The following ONECUT3 variants were observed in gnomAD, a reference collection of about 807,000 sequenced individuals.
The protein encoded by ONECUT3 is one cut homeobox 3.
ONECUT3 carries 11 observed loss-of-function variants against 16.8 expected under a neutral mutation model. The observed-to-expected ratio is 0.66, with a 90% CI of 0.41 to 1.09. The LOEUF (loss-of-function observed/expected upper bound fraction) is 1.09, where lower values mean the gene tolerates loss of function less well. ONECUT3 is among the 50% of genes least tolerant of loss of function. The pLI, the probability that ONECUT3 is intolerant of heterozygous loss-of-function variation, is 0.00. For synonymous variants in ONECUT3, 344 were observed against 310.7 expected (o/e 1.11, Z -1.13); for missense variants, 637 against 629.9 (o/e 1.01, Z -0.12).
chr19:1,770,677 A>T (rs1212320335), intron 1 of ONECUT3, among the ~76,000 whole-genome samples: 3 of 152,160 alleles, frequency 2.0e-5, no homozygotes, highest in African/African-American at 7.2e-5. Context: ...TTGAGTTTTG[A>T]CTCAGCTTTC....
Position 1,755,817 on chromosome 19 carries a change from A to G in ONECUT3, c.1192+963A>G, listed in dbSNP as rs2067913572. On this transcript the variant is annotated intron_variant, in intron 1 of 1. Coordinates refer to ENST00000382349, the MANE Select transcript of ONECUT3 (RefSeq NM_001080488.2). This position sits in a 1 kb window ranked among gnomAD's most constrained non-coding sequence, Gnocchi z 7.5. Reference sequence around the variant, plus strand: ...CCTCCTCCCTCCTCCCTCCCAGCTGACAACAGCTAAGTCCACACCTGCCCT... The same window carrying G: ...CCTCCTCCCTCCTCCCTCCCAGCTGGCAACAGCTAAGTCCACACCTGCCCT... Among the ~76,000 whole-genome samples, 1 of 151,954 alleles carries G rather than the reference A, an allele frequency of 6.6e-6. No homozygotes were observed. Among genetic ancestry groups the G allele is most frequent in the African/African-American group, 2.4e-5 (1 of 41,390 alleles).
intron 1 of ONECUT3, among the ~76,000 whole-genome samples, chr19:1,757,207 C>T (rs2067920997): frequency 1.3e-5 from 2 of 152,332 alleles, no homozygotes; most frequent in South Asian, 2.1e-4. Flanking sequence ...GCCTGCTTCG[C>T]CTGCACCTGA....
At position 1,776,865 on chromosome 19, in the gene ONECUT3, G is replaced by C. The variant is rs2068113710; in HGVS notation, c.*1420G>C. 6.6e-6 allele frequency: 1 copy of C among 151,526 alleles called. No individual in the cohort carries two copies. The highest frequency in any genetic ancestry group is 2.4e-5 in the African/African-American group (1 of 41,130). The allele number at this position is 151,526 out of a possible 1,614,324, so 9.4% of individuals were successfully genotyped here. On this transcript the variant is annotated 3_prime_UTR_variant, in exon 2 of 2. Transcript: ENST00000382349. This position sits in a 1 kb window ranked among gnomAD's most constrained non-coding sequence, Gnocchi z 4.9. Reference sequence around the variant, plus strand: ...ATGCCCCTCCCCTCCCCCAGGTAAAGGCTACCTCACTCAAGCTCATGTCTG... The same window carrying C: ...ATGCCCCTCCCCTCCCCCAGGTAAACGCTACCTCACTCAAGCTCATGTCTG...
chr19:1,756,953 A>G (rs1600338259), intron 1 of ONECUT3, among the ~76,000 whole-genome samples: 1 of 152,062 alleles, frequency 6.6e-6, no homozygotes, highest in African/African-American at 2.4e-5. Flanking sequence ...TCTAGCACAT[A>G]TTTGGGGGAC....
chr19:1,775,088 C>T, intron 1 of ONECUT3, 65 bp from the exon 2 acceptor site: 3 of 1,161,612 alleles, frequency 2.6e-6, no homozygotes, highest in Non-Finnish European at 3.5e-6. Flanking sequence ...CCTCCTGCCT[C>T]TCCCCGGCCG....
At position 1,764,620 on chromosome 19, in the gene ONECUT3, T is replaced by A. The variant is rs556814152; in HGVS notation, c.1192+9766T>A. 2.0e-5 allele frequency among the ~76,000 whole-genome samples: 3 copies of A among 152,174 alleles called. No individual in the cohort carries two copies. Among genetic ancestry groups the A allele is most frequent in the African/African-American group, 7.2e-5 (3 of 41,486 alleles). ...TGGGGGTCCACGCCTGGGGCATGAC[T>A]CAGCCCCATCTCCTTGGAGAAGGTT... On this transcript the variant is annotated intron_variant, in intron 1 of 1. Transcript: ENST00000382349. The surrounding 1 kb of genome is among the most constrained non-coding windows in gnomAD (Gnocchi z 5.0).
chr19:1,772,850 C>T (rs992907252), intron 1 of ONECUT3, among the ~76,000 whole-genome samples: 3 of 147,226 alleles, frequency 2.0e-5, no homozygotes, highest in East Asian at 4.0e-4. Flanking sequence ...TGCACCACCA[C>T]GTCCAGCTAA....
At position 1,779,936 on chromosome 19, in the gene ONECUT3, CCT is replaced by C. The variant is rs1042011873; in HGVS notation, c.*4493_*4494del. The C allele has an allele frequency of 2.0e-5, 3 of 152,118 alleles. No homozygotes were observed. Among genetic ancestry groups the C allele is most frequent in the African/African-American group, 7.2e-5 (3 of 41,388 alleles). The allele number at this position is 152,118 out of a possible 1,614,324, so 9.4% of individuals were successfully genotyped here. ...AGGCGGGAGCCACCGAGCGTCCCCC[CCT>C]CAGTTCCTGGTTCTTGGGGGCACTC... On this transcript the variant is annotated 3_prime_UTR_variant, in exon 2 of 2. Coordinates refer to ENST00000382349, the MANE Select transcript of ONECUT3 (RefSeq NM_001080488.2).
At position 1,778,912 on chromosome 19, in the gene ONECUT3, A is replaced by ACC. The variant is rs34660887; in HGVS notation, c.*3470_*3471dup. ...CACACACACACACACACACACACAC[A>ACC]CCCCTACCTGTTTCCGGACCCCACC... is the stretch of plus-strand genomic sequence containing the variant. On this transcript the variant is annotated 3_prime_UTR_variant, in exon 2 of 2. Coordinates refer to ENST00000382349, the MANE Select transcript of ONECUT3 (RefSeq NM_001080488.2). 1.4e-4 allele frequency: 18 copies of ACC among 129,614 alleles called. No homozygotes were observed. The highest frequency in any genetic ancestry group is 5.3e-4 in the Admixed American group (7 of 13,262). 8.0% of individuals were successfully genotyped at this position (129,614 alleles called of 1,614,324 possible). A position where few individuals can be genotyped will look rare whatever the true frequency, so the allele number is the denominator to read the frequency against.
chr19:1,754,433 C>T lies in ONECUT3; in HGVS notation c.771C>T (p.Asp257=). The T allele has an allele frequency of 3.0e-6, 3 of 1,016,498 alleles. No individual in the cohort carries two copies. In the South Asian group the frequency reaches 1.1e-4, roughly 38 times the overall value. 63.0% of individuals were successfully genotyped at this position (1,016,498 alleles called of 1,614,324 possible). Residue 257 remains aspartate, a synonymous_variant, in exon 1 of 2, where the codon GAC becomes GAT. Coordinates refer to ENST00000382349, the MANE Select transcript of ONECUT3 (RefSeq NM_001080488.2). The surrounding 1 kb of genome is among the most constrained non-coding windows in gnomAD (Gnocchi z 7.4). ...CCGCGCTGCTGGGACGCGCGGAGGA[C>T]GCACTGGCCCGCGGGCTGCCCGGAG... ...PHAALLGRAE[D]ALARGLPGGG... is the part of the protein sequence containing the mutation.
chr19:1,756,674 C>A (rs1316035363), intron 1 of ONECUT3, among the ~76,000 whole-genome samples: 1 of 150,836 alleles, frequency 6.6e-6, no homozygotes. Flanking sequence ...GGATTACAGA[C>A]GCCCGCCACC....
rs1406695862 is a variant in ONECUT3, at chr19:1,775,512, A to C, written c.*67A>C. The C allele has an allele frequency of 4.3e-6, 6 of 1,381,916 alleles. No individual in the cohort carries two copies. Among genetic ancestry groups the C allele is most frequent in the Admixed American group, 3.5e-5 (1 of 28,270 alleles). 85.6% of individuals were successfully genotyped at this position (1,381,916 alleles called of 1,614,324 possible). A position where few individuals can be genotyped will look rare whatever the true frequency, so the allele number is the denominator to read the frequency against. ...CGCTGTGCCCCCACGTCACCTCCCC[A>C]CATCCTGCCGGCCCGGAGACCCGCC... is the stretch of plus-strand genomic sequence containing the variant. On this transcript the variant is annotated 3_prime_UTR_variant, in exon 2 of 2. Coordinates refer to ENST00000382349, the MANE Select transcript of ONECUT3 (RefSeq NM_001080488.2).
Position 1,778,078 on chromosome 19 carries a change from G to T in ONECUT3, c.*2633G>T, listed in dbSNP as rs537157437. On this transcript the variant is annotated 3_prime_UTR_variant, in exon 2 of 2. Coordinates refer to ENST00000382349, the MANE Select transcript of ONECUT3 (RefSeq NM_001080488.2). ...ACCATATTATTTGTCTTTATACCAA[G>T]GTAGCCTATAGATATACAATGTTTT... 2.7e-5 allele frequency: 4 copies of T among 150,658 alleles called. No individual in the cohort carries two copies. Among genetic ancestry groups the T allele is most frequent in the African/African-American group, 9.8e-5 (4 of 40,790 alleles). 9.3% of individuals were successfully genotyped at this position (150,658 alleles called of 1,614,324 possible).
intron 1 of ONECUT3, among the ~76,000 whole-genome samples, chr19:1,765,955 C>G (rs1195037317): frequency 6.6e-6 from 1 of 152,248 alleles, no homozygotes; most frequent in East Asian, 1.9e-4. Flanking sequence ...GCTCTCACGT[C>G]TCACGTCCAC....
chr19:1,760,222 C>T (rs2067939519), intron 1 of ONECUT3, among the ~76,000 whole-genome samples: 2 of 152,224 alleles, frequency 1.3e-5, no homozygotes, highest in African/African-American at 2.4e-5. Context: ...AGTCAGCTTC[C>T]GCTAGGAGGG....
rs898819141 is a variant in ONECUT3 at position 1,775,549 on chromosome 19, C to T, written c.*104C>T. On this transcript the variant is annotated 3_prime_UTR_variant, in exon 2 of 2. Coordinates refer to ENST00000382349, the MANE Select transcript of ONECUT3 (RefSeq NM_001080488.2). Reference sequence around the variant, plus strand: ...CCCGGAGACCCGCCCCCAGGGGGCACCTGGAGGGGGTGCTATCCGGGCCCC... The same window carrying T: ...CCCGGAGACCCGCCCCCAGGGGGCATCTGGAGGGGGTGCTATCCGGGCCCC... 56 of 1,208,238 alleles carry T rather than the reference C, an allele frequency of 4.6e-5. No homozygotes were observed. The African/African-American group carries it at 8.7e-4, about 19-fold the overall frequency. The allele number at this position is 1,208,238 out of a possible 1,614,324, so 74.8% of individuals were successfully genotyped here.
At chr19:1,763,431 G>C (rs1006015040) in intron 1 of ONECUT3, among the ~76,000 whole-genome samples, 2 of 144,696 alleles carry the variant, frequency 1.4e-5, no homozygotes, top group African/African-American at 5.0e-5. Flanking sequence ...CTGTGGCCCC[G>C]GCTACTCAGG....
chr19:1,765,960 G>A (rs2067984349), intron 1 of ONECUT3, among the ~76,000 whole-genome samples: 1 of 152,180 alleles, frequency 6.6e-6, no homozygotes, highest in African/African-American at 2.4e-5. Flanking sequence ...CACGTCTCAC[G>A]TCCACACCGC....
At chr19:1,760,763 G>A (rs975157489) in intron 1 of ONECUT3, among the ~76,000 whole-genome samples, 3 of 152,170 alleles carry the variant, frequency 2.0e-5, no homozygotes, top group Admixed American at 6.5e-5. Context: ...CGCCAGCCTC[G>A]GTCCCAATAA....
Sources: allele counts gnomAD v4.1 joint callset (sites outside exome capture counted in the v4.1 genomes callset), GRCh38; gene constraint gnomAD v4.1.1; non-coding constraint Gnocchi (gnomAD v3.1); transcripts MANE v1.5; gene names NCBI Gene and HGNC (gene_info 2026-07-23, HGNC 2026-07-21).